The following MED11 variants were observed in gnomAD, a reference collection of about 807,000 sequenced individuals.
MED11 encodes mediator of RNA polymerase II transcription subunit 11.
Under a neutral mutation model 13.9 loss-of-function variants are expected in MED11, and 19 were observed. That is an observed-to-expected ratio of 1.36 (90% CI 0.95 to 2.00). MED11 has a LOEUF of 2.00. Among genes scored for constraint, MED11 ranks in the 30% most tolerant of loss-of-function variants. The pLI is 0.00. For synonymous variants in MED11, 67 were observed against 62.1 expected (o/e 1.08, Z -0.37); for missense variants, 134 against 150.2 (o/e 0.89, Z 0.56).
At chr17:4,733,005 G>A (rs1433861726) in intron 2 of MED11, 45 bp from the exon 3 acceptor site, 3 of 1,595,604 alleles carry the variant, frequency 1.9e-6, no homozygotes, top group East Asian at 2.3e-5. Context: ...CCTGGTTGGA[G>A]TTAGGGTAAA....
intron 2 of MED11, among the ~76,000 whole-genome samples, chr17:4,732,754 T>A (rs1916023888): frequency 6.6e-6 from 1 of 152,138 alleles, no homozygotes; most frequent in South Asian, 2.1e-4. Context: ...CCTTATATCC[T>A]GAGAAGAGGG....
chr17:4,731,628 CTGGCAG>C (rs2150615320), intron 1 of MED11, 54 bp downstream of exon 1: 1 of 1,607,808 alleles, frequency 6.2e-7, no homozygotes, highest in South Asian at 1.1e-5. Flanking sequence ...CCGGGCTGCA[CTGGCAG>C]CCTGACCTGG....
At chr17:4,732,011 C>T in intron 2 of MED11, 105 bp downstream of exon 2, 1 of 1,360,262 alleles carries the variant, frequency 7.4e-7, no homozygotes, top group Non-Finnish European at 9.8e-7. Flanking sequence ...CCAGACCTCC[C>T]CAGCCGGCCA....
intron 1 of MED11, 65 bp from the exon 2 acceptor site, chr17:4,731,711 G>A: frequency 6.2e-7 from 1 of 1,606,410 alleles, no homozygotes; most frequent in Non-Finnish European, 8.5e-7. Flanking sequence ...ACTGAGAGGG[G>A]CTGGCCTAGG....
At position 4,731,446 on chromosome 17, in the gene MED11, G is replaced by A. The variant is rs754194619; in HGVS notation, c.-44G>A. ...GAGAGCCACTTCCGGAACAAGCGTC[G>A]CGTTTCTGAGGAGAAACTCTTGGTG... On this transcript the variant is annotated 5_prime_UTR_variant, in exon 1 of 3. Coordinates refer to ENST00000293777, the MANE Select transcript of MED11 (RefSeq NM_001001683.4). 3.1e-6 allele frequency: 5 copies of A among 1,596,086 alleles called. No individual in the cohort carries two copies. The African/African-American group carries it at 5.4e-5, about 17-fold the overall frequency.
At position 4,731,554 on chromosome 17, in the gene MED11, G is replaced by A. The variant is rs1190771104; in HGVS notation, c.65G>A (p.Gly22Asp). Residue 22 changes from glycine (G) to aspartate (D), a missense_variant, in exon 1 of 3, where the codon GGC becomes GAC. Gly to Asp is a moderately conservative substitution (Grantham distance 94). Coordinates refer to ENST00000293777, the MANE Select transcript of MED11 (RefSeq NM_001001683.4). ...CTGGAAGACATTGAACGGGAAATCG[G>A]CGCCATCCTTCAGAATGCAGGTTCG... is the stretch of plus-strand genomic sequence containing the variant. The part of the protein sequence containing the change: ...RALEDIEREI[G>D]AILQNAGTVI... 1 of 1,614,064 alleles carries A rather than the reference G, an allele frequency of 6.2e-7. No individual in the cohort carries two copies. The highest frequency in any genetic ancestry group is 8.5e-7 in the Non-Finnish European group (1 of 1,180,044).
At chr17:4,731,614 G>GTGA (rs1179001090) in intron 1 of MED11, 40 bp downstream of exon 1, 1 of 1,612,974 alleles carries the variant, frequency 6.2e-7, no homozygotes, top group Admixed American at 1.7e-5. Flanking sequence ...GAGCGAAAGC[G>GTGA]TGACCGGGCT....
Position 4,733,110 on chromosome 17 carries a change from G to C in MED11, c.277G>C (p.Ala93Pro). 1 of 1,614,170 alleles carries C rather than the reference G, an allele frequency of 6.2e-7. No homozygotes were observed. The highest frequency in any genetic ancestry group is 8.5e-7 in the Non-Finnish European group (1 of 1,180,032). The change falls in exon 3 of 3, where the codon GCT (alanine) becomes CCT (proline). Residue 93 changes from alanine (A) to proline (P), a missense_variant. Ala to Pro is a conservative substitution (Grantham distance 27). Transcript: ENST00000293777. Reference sequence around the variant, plus strand: ...CTCTTCGAGGAAGGACTGTCAGATGGCTCTGAAGCGAGTGGACTATGCCCG... The same window carrying C: ...CTCTTCGAGGAAGGACTGTCAGATGCCTCTGAAGCGAGTGGACTATGCCCG... ...SYSSRKDCQMALKRVDYARLK... is the reference protein window; with the variant it reads ...SYSSRKDCQMPLKRVDYARLK...
In MED11 at chr17:4,733,157, T is replaced by A; in HGVS notation, c.324T>A (p.Ala108=). The change falls in exon 3 of 3, where the codon GCT becomes GCA. Residue 108 remains alanine (A), a synonymous_variant. Transcript: ENST00000293777. ...CCCGCCTCAAGCTCAGTGATGTGGC[T>A]CGAACCTGTGAGCAGATGCTGGAGA... ...DYARLKLSDV[A]RTCEQMLEN The A allele has an allele frequency of 2.5e-6, 4 of 1,614,146 alleles. No individual in the cohort carries two copies. The highest frequency in any genetic ancestry group is 3.4e-6 in the Non-Finnish European group (4 of 1,180,032).
rs1215474394 is a variant in MED11 at position 4,733,132 on chromosome 17, CCCG to C, written c.302_304del (p.Arg101del). ...ATGGCTCTGAAGCGAGTGGACTATG[CCCG>C]CCTCAAGCTCAGTGATGTGGCTCGA... On this transcript the variant is annotated inframe_deletion, in exon 3 of 3. Coordinates refer to ENST00000293777, the MANE Select transcript of MED11 (RefSeq NM_001001683.4). The C allele has an allele frequency of 6.2e-7, 1 of 1,614,154 alleles. No individual in the cohort carries two copies. The highest frequency in any genetic ancestry group is 2.2e-5 in the East Asian group (1 of 44,886).
chr17:4,731,603 G>A, intron 1 of MED11, 29 bp downstream of exon 1: 1 of 1,613,812 alleles, frequency 6.2e-7, no homozygotes, highest in Non-Finnish European at 8.5e-7. Flanking sequence ...TGGACAGCGG[G>A]GAGCGAAAGC....
In MED11 at chr17:4,731,475, A is replaced by G; in HGVS notation, c.-15A>G. On this transcript the variant is annotated 5_prime_UTR_variant, in exon 1 of 3. Transcript: ENST00000293777. ...TTCTGAGGAGAAACTCTTGGTGAGA[A>G]TTCCCAGAGTGATAATGGCTACCTA... 1 of 1,613,198 alleles carries G rather than the reference A, an allele frequency of 6.2e-7. No homozygotes were observed. The highest frequency in any genetic ancestry group is 8.5e-7 in the Non-Finnish European group (1 of 1,179,278).
chr17:4,731,509 C>T lies in MED11; in HGVS notation c.20C>T (p.Ala7Val), dbSNP rs1915973504. MATYSL[A>V]NERLRALEDI... ...GTGATAATGGCTACCTACAGCCTGG[C>T]GAACGAGAGACTACGCGCTCTGGAA... Residue 7 changes from alanine to valine, a missense_variant, in exon 1 of 3, where the codon GCG (alanine) becomes GTG (valine). By Grantham distance (64) the Ala-to-Val change is moderately conservative. Coordinates refer to ENST00000293777, the MANE Select transcript of MED11 (RefSeq NM_001001683.4). 7 of 1,614,034 alleles carry T rather than the reference C, an allele frequency of 4.3e-6. No homozygotes were observed. The African/African-American group carries it at 9.3e-5, about 22-fold the overall frequency.
chr17:4,732,463 C>T (rs894698058), intron 2 of MED11: 9 of 152,866 alleles, frequency 5.9e-5, no homozygotes, highest in African/African-American at 2.2e-4. Context: ...ACCGGTAACC[C>T]CAGCTACTTG....
chr17:4,732,764 G>A (rs1311243377), intron 2 of MED11, among the ~76,000 whole-genome samples: 1 of 152,086 alleles, frequency 6.6e-6, no homozygotes, highest in Non-Finnish European at 1.5e-5. Flanking sequence ...TGAGAAGAGG[G>A]ACAGGATTGA....
chr17:4,731,682 T>C (rs1915981412), intron 1 of MED11, 94 bp from the exon 2 acceptor site: 31 of 1,606,554 alleles, frequency 1.9e-5, no homozygotes, highest in Non-Finnish European at 2.6e-5. Context: ...CCTACGTGCG[T>C]GCGCAGCGAA....
intron 2 of MED11, 162 bp downstream of exon 2, chr17:4,732,068 A>G: frequency 1.2e-6 from 1 of 804,252 alleles, no homozygotes; most frequent in Non-Finnish European, 1.9e-6. Context: ...GGCCGGGCGC[A>G]GTGGCTTGAC....
intron 1 of MED11, 24 bp from the exon 2 acceptor site, chr17:4,731,752 C>CCCGCCCTCTCT: frequency 6.2e-7 from 1 of 1,611,736 alleles, no homozygotes; most frequent in South Asian, 1.1e-5. Context: ...TCCGTGTGTC[C>CCCGCCCTCTCT]CCGCCCTCTC....
Position 4,731,467 on chromosome 17 carries a change from T to C in MED11, c.-23T>C, listed in dbSNP as rs1334229053. 1 of 1,610,344 alleles carries C rather than the reference T, an allele frequency of 6.2e-7. No individual in the cohort carries two copies. Among genetic ancestry groups the C allele is most frequent in the Non-Finnish European group, 8.5e-7 (1 of 1,177,254 alleles). On this transcript the variant is annotated 5_prime_UTR_variant, in exon 1 of 3. Transcript: ENST00000293777. Reference sequence around the variant, plus strand: ...CGTCGCGTTTCTGAGGAGAAACTCTTGGTGAGAATTCCCAGAGTGATAATG... The same window carrying C: ...CGTCGCGTTTCTGAGGAGAAACTCTCGGTGAGAATTCCCAGAGTGATAATG...
Sources: gnomAD v4.1 joint callset for allele counts (sites outside exome capture counted in the v4.1 genomes callset) on GRCh38, gnomAD v4.1.1 for gene constraint, MANE v1.5 for transcripts, NCBI Gene and HGNC (gene_info 2026-07-23, HGNC 2026-07-21) for gene names.